The following DNAH8 variants were observed in gnomAD, a reference collection of about 807,000 sequenced individuals.
The protein encoded by DNAH8 is dynein axonemal heavy chain 8.
A neutral mutation model predicts 562.1 loss-of-function variants in DNAH8; 382 were observed. The ratio of observed to expected loss-of-function variants is 0.68; its 90% CI spans 0.63 to 0.74. The LOEUF (loss-of-function observed/expected upper bound fraction) is 0.74. Among genes scored for constraint, DNAH8 ranks in the 30% least tolerant of loss-of-function variants. DNAH8 has a pLI of 0.00. For missense variants in DNAH8, 5,203 were observed against 5,620.4 expected, an observed-to-expected ratio of 0.93 and a Z score of 2.37; for synonymous variants, 1,881 against 1,919.4, an observed-to-expected ratio of 0.98 and a Z score of 0.52.
chr6:38,763,038 C>A, intron 11 of DNAH8: 1 of 410,128 alleles, frequency 2.4e-6, no homozygotes, highest in South Asian at 2.0e-5. Flanking sequence ...CAGATCAAAG[C>A]AGCTCATAAA....
chr6:38,791,655 A>G lies in DNAH8; in HGVS notation c.2882A>G (p.Asp961Gly), dbSNP rs1300182990. The G allele has an allele frequency of 3.7e-6, 6 of 1,613,748 alleles. No homozygotes were observed. The highest frequency in any genetic ancestry group is 1.3e-5 in the African/African-American group (1 of 74,928). ...GAAAGTGGTGCTACCAAAGTAGAAGATATGTTGACCCTCAATGAGGTATGC... is the reference window on the plus strand; with the variant it reads ...GAAAGTGGTGCTACCAAAGTAGAAGGTATGTTGACCCTCAATGAGGTATGC... ...LPESGATKVE[D>G]MLTLNETYTK... The change falls in exon 21 of 93, where the codon GAT becomes GGT. Residue 961 changes from aspartate (D) to glycine (G), a missense_variant. This residue lies in a region of DNAH8 where 2,176 missense variants were observed against 2,365.1 expected (regional missense o/e 0.92). Coordinates refer to ENST00000327475, the MANE Select transcript of DNAH8 (RefSeq NM_001206927.2).
chr6:38,717,012 C>A (rs1340278314), intron 1 of DNAH8, among the ~76,000 whole-genome samples: 1 of 152,168 alleles, frequency 6.6e-6, no homozygotes, highest in Non-Finnish European at 1.5e-5. Context: ...GCCTGGGCAG[C>A]ATAGTGAGAT....
chr6:38,842,085 C>T (rs1774848744), intron 33 of DNAH8, among the ~76,000 whole-genome samples: 2 of 152,134 alleles, frequency 1.3e-5, no homozygotes, highest in South Asian at 4.1e-4. Context: ...GTAAGTTTCT[C>T]ATTAAAAAGT....
intron 26 of DNAH8, among the ~76,000 whole-genome samples, chr6:38,821,741 T>C (rs942725812): frequency 1.3e-5 from 2 of 152,022 alleles, no homozygotes; most frequent in Non-Finnish European, 2.9e-5. Flanking sequence ...TTTTGTATTA[T>C]TGTGGAGATA....
intron 10 of DNAH8, among the ~76,000 whole-genome samples, chr6:38,756,495 T>C (rs1002644627): frequency 6.6e-6 from 1 of 152,030 alleles, no homozygotes; most frequent in Admixed American, 6.6e-5. Flanking sequence ...TTAAACAATA[T>C]ATATTTAAAT....
chr6:39,006,485 T>C (rs918478353), intron 88 of DNAH8, among the ~76,000 whole-genome samples: 8 of 152,356 alleles, frequency 5.3e-5, no homozygotes, highest in African/African-American at 1.9e-4. Context: ...CTGATTTCTG[T>C]TGTTTCTACT....
At chr6:38,984,403 C>A in intron 87 of DNAH8, 96 bp downstream of exon 87, 1 of 748,520 alleles carries the variant, frequency 1.3e-6, no homozygotes, top group Admixed American at 2.0e-5. Context: ...AAGCATACAG[C>A]AGAGCTGCTG....
intron 91 of DNAH8, among the ~76,000 whole-genome samples, chr6:39,015,198 G>A (rs1256735614): frequency 6.6e-6 from 1 of 152,164 alleles, no homozygotes; most frequent in African/African-American, 2.4e-5. Context: ...GAAACCAAGG[G>A]AGTGGAGTTG....
chr6:38,897,969 C>A (rs1050824728), intron 60 of DNAH8, among the ~76,000 whole-genome samples: 3 of 151,916 alleles, frequency 2.0e-5, no homozygotes, highest in African/African-American at 4.8e-5. Flanking sequence ...TAAGTAAAAA[C>A]CAAGAAAAAT....
chr6:38,799,434 C>G (rs1294052065), intron 21 of DNAH8, among the ~76,000 whole-genome samples: 3 of 152,112 alleles, frequency 2.0e-5, no homozygotes, highest in African/African-American at 2.4e-5. Context: ...CTCATGCTTT[C>G]CTTGCCGACA....
At chr6:38,937,683 T>C (rs964549293) in intron 77 of DNAH8, among the ~76,000 whole-genome samples, 9 of 152,158 alleles carry the variant, frequency 5.9e-5, no homozygotes, top group Admixed American at 5.9e-4. Flanking sequence ...GACATGATCA[T>C]TGTCTTGAGA....
intron 85 of DNAH8, among the ~76,000 whole-genome samples, chr6:38,977,460 C>T (rs2150703352): frequency 6.6e-6 from 1 of 152,158 alleles, no homozygotes; most frequent in East Asian, 1.9e-4. Flanking sequence ...TTCCCAGGAC[C>T]CTGGTGTGTG....
At chr6:38,838,459 C>T (rs368567328) in intron 33 of DNAH8, among the ~76,000 whole-genome samples, 6 of 143,716 alleles carry the variant, frequency 4.2e-5, no homozygotes, top group African/African-American at 1.0e-4. Flanking sequence ...AGTGCAGTGG[C>T]GCAATCTCGG....
rs146893499 is a variant in DNAH8 at position 38,848,534 on chromosome 6, A to G, written c.5046-114A>G. The G allele has an allele frequency of 9.1e-4, 772 of 846,126 alleles. 4 individuals carry two copies. Among genetic ancestry groups the G allele is most frequent in the Non-Finnish European group, 1.2e-3 (668 of 551,610 alleles). 52.4% of individuals were successfully genotyped at this position (846,126 alleles called of 1,614,324 possible). A position where few individuals can be genotyped will look rare whatever the true frequency, so the allele number is the denominator to read the frequency against. On this transcript the variant is annotated intron_variant, in intron 36 of 92. Transcript: ENST00000327475. ...TGATATCTATTAGGAACTGCCCTTT[A>G]AGGACAAAACATTCATTCCCAAAGT...
At chr6:38,888,137 C>A (rs1451987972) in intron 57 of DNAH8, among the ~76,000 whole-genome samples, 1 of 143,116 alleles carries the variant, frequency 7.0e-6, no homozygotes, top group Non-Finnish European at 1.5e-5. Flanking sequence ...CCGTGCCCAT[C>A]CGGGAAAGGG....
At chr6:38,959,769 A>G (rs1309024945) in intron 82 of DNAH8, among the ~76,000 whole-genome samples, 1 of 152,088 alleles carries the variant, frequency 6.6e-6, no homozygotes, top group Non-Finnish European at 1.5e-5. Context: ...AAAAAATTCT[A>G]AAATGTATAT....
intron 62 of DNAH8, among the ~76,000 whole-genome samples, chr6:38,905,646 G>T (rs1780400783): frequency 6.6e-6 from 1 of 152,132 alleles, no homozygotes; most frequent in Non-Finnish European, 1.5e-5. Flanking sequence ...AGATTGCAGG[G>T]ACTAAAAGTT....
chr6:38,958,549 G>T (rs1026564510), intron 82 of DNAH8, among the ~76,000 whole-genome samples: 3 of 141,970 alleles, frequency 2.1e-5, no homozygotes, highest in African/African-American at 7.8e-5. Flanking sequence ...TAAATTTCTG[G>T]ACAAATATAA....
rs201261721 is a variant in DNAH8, at chr6:38,894,868, C to A, written c.8747+4C>A. ...GCAGCAGAGTAATTGCAGACAGGTG[C>A]GTGTTGCGGCACTAGAGTTTAAATG... On this transcript the variant is annotated splice_donor_region_variant and intron_variant, in intron 59 of 92. Transcript: ENST00000327475. 7.4e-6 allele frequency: 12 copies of A among 1,611,172 alleles called. No homozygotes were observed. The East Asian group carries it at 2.7e-4, about 36-fold the overall frequency.
Sources: gnomAD v4.1 joint callset for allele counts (sites outside exome capture counted in the v4.1 genomes callset) on GRCh38, gnomAD v4.1.1 for gene constraint, gnomAD v4.1.1 regional missense constraint, MANE v1.5 for transcripts, NCBI Gene and HGNC (gene_info 2026-07-23, HGNC 2026-07-21) for gene names.